Variants in SIMC1 observed in about 807,000 individuals in gnomAD.
SIMC1 encodes the protein SUMO interacting motifs containing 1.
A neutral mutation model predicts 82.3 loss-of-function variants in SIMC1; 55 were observed. The observed-to-expected ratio is 0.67, with a 90% confidence interval of 0.54 to 0.84. SIMC1 has a LOEUF of 0.84. Ranked by LOEUF, SIMC1 falls within the 40% of genes least tolerant of loss-of-function variation. The pLI, the probability that SIMC1 is intolerant of heterozygous loss-of-function variation, is 0.00. For synonymous variants in SIMC1, 353 were observed against 426.3 expected (o/e 0.83, Z 2.12); for missense variants, 915 against 1,107.2 (o/e 0.83, Z 2.46).
intron 1 of SIMC1, among the ~76,000 whole-genome samples, chr5:176,275,376 A>T (rs1762640986): frequency 6.6e-6 from 1 of 151,982 alleles, no homozygotes; most frequent in East Asian, 1.9e-4. Context: ...TTTTGGTCTG[A>T]GACAATGGGC....
intron 4 of SIMC1, among the ~76,000 whole-genome samples, chr5:176,312,888 C>T (rs1478072382): frequency 6.6e-6 from 1 of 152,184 alleles, no homozygotes; most frequent in Non-Finnish European, 1.5e-5. Context: ...ACAAATTGTG[C>T]ATGCTTGCCT....
chr5:176,250,848 A>G (rs1294664576), intron 1 of SIMC1, among the ~76,000 whole-genome samples: 3 of 152,014 alleles, frequency 2.0e-5, no homozygotes, highest in African/African-American at 4.8e-5. Flanking sequence ...TTTTGAGCCT[A>G]TGTGTGTCTT....
chr5:176,286,702 A>C (rs1289649525), intron 1 of SIMC1, among the ~76,000 whole-genome samples: 5 of 152,258 alleles, frequency 3.3e-5, no homozygotes, highest in Non-Finnish European at 5.9e-5. Flanking sequence ...GGCAACCTAC[A>C]GAATGGGAGA....
intron 9 of SIMC1, among the ~76,000 whole-genome samples, chr5:176,342,830 A>G (rs1011797829): frequency 2.0e-5 from 3 of 152,212 alleles, no homozygotes; most frequent in Admixed American, 6.5e-5. Context: ...ATTTGCCACA[A>G]ACTATAATCA....
intron 1 of SIMC1, among the ~76,000 whole-genome samples, chr5:176,276,566 T>G (rs985896702): frequency 2.2e-4 from 33 of 148,810 alleles, no homozygotes; most frequent in Admixed American, 7.3e-4. Flanking sequence ...CATCTAGCAT[T>G]AGGTATATCT....
intron 1 of SIMC1, among the ~76,000 whole-genome samples, chr5:176,288,751 TAGC>T (rs1417766541): frequency 8.5e-5 from 13 of 152,220 alleles, no homozygotes; most frequent in African/African-American, 2.9e-4. Context: ...GTAGCTGTGA[TAGC>T]AGCAATAGTA....
intron 7 of SIMC1, among the ~76,000 whole-genome samples, chr5:176,328,178 A>G (rs906830186): frequency 3.9e-5 from 6 of 152,222 alleles, no homozygotes; most frequent in Non-Finnish European, 7.3e-5. Context: ...CTGGGATTAC[A>G]GGTGTGAGCC....
At position 176,337,121 on chromosome 5, in the gene SIMC1, G is replaced by T; in HGVS notation, c.2388G>T (p.Leu796=). 1 of 1,613,976 alleles carries T rather than the reference G, an allele frequency of 6.2e-7. No homozygotes were observed. Among genetic ancestry groups the T allele is most frequent in the Non-Finnish European group, 8.5e-7 (1 of 1,179,862 alleles). ...TGGTTGAGCATCTGCAGTTTCTGCT[G>T]TCCAGTTATCAACATGTTTTAAGAG... is the stretch of plus-strand genomic sequence containing the variant. ...DELVEHLQFL[L]SSYQHVLREH... is the part of the protein sequence containing the mutation. The change falls in exon 9 of 10, where the codon CTG becomes CTT. Residue 796 remains leucine (L), a synonymous_variant. Coordinates refer to ENST00000429602, the MANE Select transcript of SIMC1 (RefSeq NM_001308195.2).
chr5:176,305,872 T>C (rs867914525), intron 4 of SIMC1, among the ~76,000 whole-genome samples: 81 of 23,274 alleles, frequency 3.5e-3, no homozygotes, highest in African/African-American at 5.9e-3. Context: ...TCAGCCCCCC[T>C]GCCCGGCCAG....
At chr5:176,338,612 G>T (rs1766003250) in intron 9 of SIMC1, among the ~76,000 whole-genome samples, 1 of 152,118 alleles carries the variant, frequency 6.6e-6, no homozygotes, top group South Asian at 2.1e-4. Flanking sequence ...GAAGTATTGA[G>T]GGGTAGAGGG....
chr5:176,261,580 C>T (rs1200075315), intron 1 of SIMC1, among the ~76,000 whole-genome samples: 1 of 151,894 alleles, frequency 6.6e-6, no homozygotes, highest in Non-Finnish European at 1.5e-5. Flanking sequence ...AACCCCATCT[C>T]TACTAAAAAT....
At chr5:176,333,711 T>A (rs1765769216) in intron 7 of SIMC1, among the ~76,000 whole-genome samples, 1 of 152,200 alleles carries the variant, frequency 6.6e-6, no homozygotes, top group South Asian at 2.1e-4. Context: ...ATTACAGGTG[T>A]GAGCCACTGT....
chr5:176,276,278 C>G (rs1373689856), intron 1 of SIMC1, among the ~76,000 whole-genome samples: 1 of 151,450 alleles, frequency 6.6e-6, no homozygotes, highest in Non-Finnish European at 1.5e-5. Flanking sequence ...TTGTAGTATT[C>G]TCTGATGGTA....
At chr5:176,302,999 C>G (rs1238596904) in intron 4 of SIMC1, among the ~76,000 whole-genome samples, 2 of 152,098 alleles carry the variant, frequency 1.3e-5, no homozygotes, top group African/African-American at 4.8e-5. Context: ...AGGTTCAACA[C>G]AATTCCCATC....
chr5:176,253,671 A>G (rs1323430842), intron 1 of SIMC1, among the ~76,000 whole-genome samples: 3 of 152,138 alleles, frequency 2.0e-5, no homozygotes, highest in Non-Finnish European at 4.4e-5. Context: ...AGTAGCTCTC[A>G]AGCTAAGTTT....
At position 176,324,619 on chromosome 5, in the gene SIMC1, C is replaced by T. The variant is rs1271497160; in HGVS notation, c.2043-10C>T. 1 of 1,610,226 alleles carries T rather than the reference C, an allele frequency of 6.2e-7. No homozygotes were observed. The highest frequency in any genetic ancestry group is 8.5e-7 in the Non-Finnish European group (1 of 1,178,342). Reference sequence around the variant, plus strand: ...CTCACACTCATCTGTGTCCTATGTTCTGGACTCAGGATTGTGTGCCAGCTT... The same window carrying T: ...CTCACACTCATCTGTGTCCTATGTTTTGGACTCAGGATTGTGTGCCAGCTT... On this transcript the variant is annotated splice_polypyrimidine_tract_variant and intron_variant, in intron 6 of 9. Coordinates refer to ENST00000429602, the MANE Select transcript of SIMC1 (RefSeq NM_001308195.2).
intron 1 of SIMC1, among the ~76,000 whole-genome samples, chr5:176,277,400 C>G (rs1040223379): frequency 1.3e-5 from 2 of 151,764 alleles, no homozygotes; most frequent in Non-Finnish European, 2.9e-5. Context: ...TTGTAGGTTG[C>G]CTGTTCACTC....
intron 1 of SIMC1, among the ~76,000 whole-genome samples, chr5:176,256,687 A>G (rs540547859): frequency 1.3e-5 from 2 of 152,336 alleles, no homozygotes; most frequent in East Asian, 3.9e-4. Context: ...ATATTAGATT[A>G]TAAAATATGG....
intron 1 of SIMC1, among the ~76,000 whole-genome samples, chr5:176,267,380 AT>A: frequency 1.5e-5 from 1 of 68,372 alleles, no homozygotes. Context: ...AAATAAAGAC[AT>A]TTTTGGATAA....
Sources: allele counts gnomAD v4.1 joint callset (sites outside exome capture counted in the v4.1 genomes callset), GRCh38; gene constraint gnomAD v4.1.1; transcripts MANE v1.5; gene names NCBI Gene and HGNC (gene_info 2026-07-23, HGNC 2026-07-21).